The following TMCC1 variants were observed in gnomAD, a reference collection of about 807,000 sequenced individuals.
TMCC1 encodes transmembrane and coiled-coil domain family 1.
In TMCC1, 15 loss-of-function variants were observed where a neutral mutation model predicts 52.4. The ratio of observed to expected loss-of-function variants is 0.29; its 90% CI spans 0.19 to 0.44. TMCC1 has a LOEUF of 0.44. TMCC1 is among the 20% of genes least tolerant of loss of function. TMCC1 has a pLI of 1.00. For missense variants in TMCC1, 503 were observed against 806.0 expected (o/e 0.62, Z 4.55); for synonymous variants, 279 against 301.9 (o/e 0.92, Z 0.79).
chr3:129,812,268 G>T (rs1027282139), intron 4 of TMCC1, among the ~76,000 whole-genome samples: 1 of 149,108 alleles, frequency 6.7e-6, no homozygotes, highest in East Asian at 2.0e-4. Context: ...CTTGAATCTG[G>T]GAGGTGGAGG....
chr3:129,865,963 C>A (rs1281969426), intron 2 of TMCC1, among the ~76,000 whole-genome samples: 1 of 152,066 alleles, frequency 6.6e-6, no homozygotes, highest in Non-Finnish European at 1.5e-5. Flanking sequence ...GCTGAATGTG[C>A]AGATTTGAGT....
chr3:129,820,416 G>T (rs561386723), intron 4 of TMCC1, among the ~76,000 whole-genome samples: 3 of 152,050 alleles, frequency 2.0e-5, no homozygotes, highest in African/African-American at 7.2e-5. Flanking sequence ...TTAGTCTGGA[G>T]AAGGGATTAT....
chr3:129,837,605 T>G (rs2059222088), intron 2 of TMCC1, among the ~76,000 whole-genome samples: 1 of 152,166 alleles, frequency 6.6e-6, no homozygotes, highest in Non-Finnish European at 1.5e-5. Context: ...ATACAGCACA[T>G]TCAGCTTTAA....
intron 2 of TMCC1, among the ~76,000 whole-genome samples, chr3:129,849,522 C>T (rs180808451): frequency 5.2e-4 from 78 of 148,736 alleles, no homozygotes; most frequent in Admixed American, 1.4e-3. Context: ...CCCAGCACTT[C>T]GGGAGGCTGA....
At chr3:129,699,402 A>G (rs889255105) in intron 4 of TMCC1, among the ~76,000 whole-genome samples, 2 of 152,236 alleles carry the variant, frequency 1.3e-5, no homozygotes, top group African/African-American at 4.8e-5. Context: ...TCCAGAAGTT[A>G]CCCTATATGG....
At chr3:129,888,647 A>T (rs1031547167) in intron 1 of TMCC1, among the ~76,000 whole-genome samples, 1 of 152,232 alleles carries the variant, frequency 6.6e-6, no homozygotes, top group Non-Finnish European at 1.5e-5. Flanking sequence ...AAGCTGAAAT[A>T]ATTTAGCAAT....
At chr3:129,836,031 T>TA (rs1359852231) in intron 2 of TMCC1, among the ~76,000 whole-genome samples, 5 of 152,034 alleles carry the variant, frequency 3.3e-5, no homozygotes, top group Admixed American at 3.3e-4. Flanking sequence ...TAGTTCAAAG[T>TA]ATGGGAAAAA....
intron 4 of TMCC1, among the ~76,000 whole-genome samples, chr3:129,725,190 C>T (rs888116119): frequency 9.9e-5 from 15 of 152,104 alleles, no homozygotes; most frequent in Admixed American, 7.2e-4. Context: ...TTCAGCTCAC[C>T]GCAACCTCCG....
chr3:129,882,273 A>G (rs1335638915), intron 1 of TMCC1, among the ~76,000 whole-genome samples: 1 of 152,122 alleles, frequency 6.6e-6, no homozygotes, highest in African/African-American at 2.4e-5. Context: ...CAATATCACA[A>G]ATAATTAGGG....
Position 129,677,498 on chromosome 3 carries a change from C to T in TMCC1, c.577-6234G>A, listed in dbSNP as rs563604929. On this transcript the variant is annotated intron_variant, in intron 4 of 6. Transcript: ENST00000393238. ...CAGACAAGCCAATGTGACTATAGAACTGCTCAATAAGTTCTCCTTTACAAG... is the reference window on the plus strand; with the variant it reads ...CAGACAAGCCAATGTGACTATAGAATTGCTCAATAAGTTCTCCTTTACAAG... Among the ~76,000 whole-genome samples, 4 of 152,304 alleles carry T rather than the reference C, an allele frequency of 2.6e-5. No individual in the cohort carries two copies. In the South Asian group the frequency reaches 6.2e-4, roughly 24 times the overall value.
At chr3:129,794,089 C>T (rs1450880259) in intron 4 of TMCC1, among the ~76,000 whole-genome samples, 1 of 152,204 alleles carries the variant, frequency 6.6e-6, no homozygotes, top group Non-Finnish European at 1.5e-5. Flanking sequence ...TACAACTTTG[C>T]CCAAATTCAG....
chr3:129,790,385 G>A (rs963759096), intron 4 of TMCC1, among the ~76,000 whole-genome samples: 7 of 152,090 alleles, frequency 4.6e-5, no homozygotes, highest in African/African-American at 1.7e-4. Context: ...ATAAGAAACT[G>A]GTTACCTACA....
chr3:129,691,436 TA>T (rs760976196), intron 4 of TMCC1, among the ~76,000 whole-genome samples: 4 of 152,052 alleles, frequency 2.6e-5, no homozygotes, highest in Non-Finnish European at 4.4e-5. Context: ...GACCCGTGGC[TA>T]AAAAGTTGTA....
chr3:129,806,387 C>T (rs1470050719), intron 4 of TMCC1, among the ~76,000 whole-genome samples: 1 of 152,132 alleles, frequency 6.6e-6, no homozygotes, highest in East Asian at 1.9e-4. Context: ...CCTCTTCCAC[C>T]TCGTCTTATG....
chr3:129,795,152 C>G (rs562554611), intron 4 of TMCC1, among the ~76,000 whole-genome samples: 6 of 152,158 alleles, frequency 3.9e-5, no homozygotes, highest in African/African-American at 1.4e-4. Context: ...ATTAAAGTGG[C>G]CTCCTGAGGT....
At chr3:129,662,733 T>A (rs2087139252) in intron 5 of TMCC1, among the ~76,000 whole-genome samples, 1 of 152,218 alleles carries the variant, frequency 6.6e-6, no homozygotes, top group African/African-American at 2.4e-5. Context: ...CATGACTATG[T>A]GTGATTTTGG....
At position 129,803,147 on chromosome 3, in the gene TMCC1, T is replaced by G. The variant is rs569223090; in HGVS notation, c.576+24656A>C. ...CATGACATAATCATTTTAAAGGTCC[T>G]ACCTCTCAACACACAAAATGAAATA... On this transcript the variant is annotated intron_variant, in intron 4 of 6. Transcript: ENST00000393238. Among the ~76,000 whole-genome samples, 47 of 152,358 alleles carry G rather than the reference T, an allele frequency of 3.1e-4. 1 individual carries two copies. The highest frequency in any genetic ancestry group is 1.1e-3 in the African/African-American group (45 of 41,588).
intron 2 of TMCC1, among the ~76,000 whole-genome samples, chr3:129,875,362 G>A (rs2061145636): frequency 6.6e-6 from 1 of 151,178 alleles, no homozygotes. Flanking sequence ...TGAGGTAGCC[G>A]GCGCCTGTAA....
intron 2 of TMCC1, among the ~76,000 whole-genome samples, chr3:129,838,474 G>A (rs546116625): frequency 6.6e-6 from 1 of 152,048 alleles, no homozygotes; most frequent in South Asian, 2.1e-4. Context: ...CAAAAAAGGG[G>A]GCTGGGCACG....
Sources: allele counts gnomAD v4.1 joint callset (sites outside exome capture counted in the v4.1 genomes callset), GRCh38; gene constraint gnomAD v4.1.1; transcripts MANE v1.5; gene names NCBI Gene and HGNC (gene_info 2026-07-23, HGNC 2026-07-21).